The following RPSA2 variants were observed in gnomAD, a reference collection of about 807,000 sequenced individuals.
RPSA2 encodes small ribosomal subunit protein uS2B.
At chr19:23,868,499 A>G in the RPSA2 span, among the ~76,000 whole-genome samples, 6 of 144,028 alleles carry the variant, frequency 4.2e-5, no homozygotes, top group African/African-American at 1.5e-4. Flanking sequence ...GTTACAACGC[A>G]TGTTGAGAAA....
the RPSA2 span, among the ~76,000 whole-genome samples, chr19:23,829,138 T>C: frequency 1.3e-5 from 2 of 152,244 alleles, no homozygotes; most frequent in Admixed American, 6.5e-5. Context: ...GATTAATGTT[T>C]GCATGGAATG....
the RPSA2 span, among the ~76,000 whole-genome samples, chr19:23,866,510 G>A: frequency 7.6e-6 from 1 of 132,014 alleles, no homozygotes; most frequent in Non-Finnish European, 1.7e-5. Flanking sequence ...CTTACAATGT[G>A]GTGCCCCCCC....
chr19:23,787,634 AG>A, the RPSA2 span, among the ~76,000 whole-genome samples: 5 of 152,142 alleles, frequency 3.3e-5, no homozygotes, highest in African/African-American at 1.2e-4. Context: ...AACAAAAAAA[AG>A]AATGAATGAA....
chr19:23,804,224 T>A, the RPSA2 span, among the ~76,000 whole-genome samples: 2 of 152,176 alleles, frequency 1.3e-5, no homozygotes, highest in Admixed American at 1.3e-4. Flanking sequence ...TTGTCTTCAT[T>A]TGTATCAAAA....
At chr19:23,758,710 T>C in the RPSA2 span, 1 of 1,614,154 alleles carries the variant, frequency 6.2e-7, no homozygotes, top group Non-Finnish European at 8.5e-7. Context: ...CCACAGCCCC[T>C]TCCCCTCTCT....
chr19:23,859,916 G>C, the RPSA2 span, among the ~76,000 whole-genome samples: 1 of 152,248 alleles, frequency 6.6e-6, no homozygotes, highest in African/African-American at 2.4e-5. Flanking sequence ...TTGATTTGTG[G>C]AAAATAAATA....
At chr19:23,859,870 C>A in the RPSA2 span, among the ~76,000 whole-genome samples, 7 of 152,246 alleles carry the variant, frequency 4.6e-5, no homozygotes, top group East Asian at 5.8e-4. Context: ...ATTAGTAAAA[C>A]CCTGTTAGGG....
chr19:23,833,181 C>A, the RPSA2 span: 1 of 1,188,068 alleles, frequency 8.4e-7, no homozygotes, highest in Middle Eastern at 2.4e-4. Context: ...GGTCCTCAGC[C>A]CTAACTAAAC....
chr19:23,843,880 C>A, the RPSA2 span, among the ~76,000 whole-genome samples: 1 of 152,144 alleles, frequency 6.6e-6, no homozygotes. Context: ...CCGCCGCAGC[C>A]TTCTGAGTAG....
At chr19:23,854,997 C>G in the RPSA2 span, among the ~76,000 whole-genome samples, 1 of 152,182 alleles carries the variant, frequency 6.6e-6, no homozygotes, top group Non-Finnish European at 1.5e-5. Context: ...GATTTTTGAA[C>G]AGCATCTTGT....
chr19:23,828,780 C>T, the RPSA2 span, among the ~76,000 whole-genome samples: 1 of 151,726 alleles, frequency 6.6e-6, no homozygotes, highest in African/African-American at 2.4e-5. Flanking sequence ...TTTTATACTG[C>T]CTTTAAGTAG....
the RPSA2 span, among the ~76,000 whole-genome samples, chr19:23,871,026 T>C: frequency 1.3e-5 from 2 of 152,158 alleles, no homozygotes. Flanking sequence ...CATGCAGGCC[T>C]ACACTAAGTC....
At chr19:23,832,668 G>A in the RPSA2 span, 1 of 1,484,134 alleles carries the variant, frequency 6.7e-7, no homozygotes, top group Non-Finnish European at 9.1e-7. Flanking sequence ...CATTTCTATG[G>A]TTCATTACCC....
the RPSA2 span, among the ~76,000 whole-genome samples, chr19:23,856,198 G>T: frequency 1.3e-5 from 2 of 152,058 alleles, no homozygotes; most frequent in African/African-American, 4.8e-5. Context: ...TATGGGATTG[G>T]TATGTCATTA....
the RPSA2 span, among the ~76,000 whole-genome samples, chr19:23,861,382 G>C: frequency 2.0e-5 from 3 of 152,088 alleles, no homozygotes; most frequent in Non-Finnish European, 4.4e-5. Flanking sequence ...AGATAAGAGA[G>C]CCCCCCCACT....
At chr19:23,840,090 G>C in the RPSA2 span, among the ~76,000 whole-genome samples, 1 of 148,230 alleles carries the variant, frequency 6.7e-6, no homozygotes, top group South Asian at 2.1e-4. Context: ...AGGAATCAGA[G>C]AAGAGAGAAA....
chr19:23,853,939 A>G, the RPSA2 span, among the ~76,000 whole-genome samples: 1 of 152,324 alleles, frequency 6.6e-6, no homozygotes, highest in East Asian at 1.9e-4. Flanking sequence ...CATCAATCCC[A>G]GTATCTACTA....
chr19:23,804,709 C>T, the RPSA2 span, among the ~76,000 whole-genome samples: 1 of 152,128 alleles, frequency 6.6e-6, no homozygotes, highest in South Asian at 2.1e-4. Context: ...CCCACAGAAT[C>T]GTATTACATA....
At chr19:23,857,807 C>T in the RPSA2 span, among the ~76,000 whole-genome samples, 1 of 151,894 alleles carries the variant, frequency 6.6e-6, no homozygotes, top group African/African-American at 2.4e-5. Context: ...TTTTTAAAGT[C>T]TTATAAAGTC....
Sources: allele counts gnomAD v4.1 joint callset (sites outside exome capture counted in the v4.1 genomes callset), GRCh38; gene constraint gnomAD v4.1.1; transcripts MANE v1.5; gene names NCBI Gene and HGNC (gene_info 2026-07-23, HGNC 2026-07-21).